MICAL2: variants seen among roughly 807,000 people sequenced by gnomAD.
MICAL2 encodes [F-actin]-monooxygenase MICAL2.
MICAL2 carries 77 observed loss-of-function variants against 127.3 expected under a neutral mutation model. That is an observed-to-expected ratio of 0.60 (90% CI 0.50 to 0.73). The LOEUF is 0.73. Ranked by LOEUF, MICAL2 falls within the 30% of genes least tolerant of loss-of-function variation. The pLI is 0.00. For missense variants in MICAL2, 1,351 were observed against 1,434.4 expected (o/e 0.94, Z 0.94); for synonymous variants, 570 against 551.1 (o/e 1.03, Z -0.48).
intron 30 of MICAL2, chr11:12,323,913 G>T: frequency 1.3e-6 from 2 of 1,539,862 alleles, no homozygotes; most frequent in Non-Finnish European, 1.8e-6. Context: ...AGCCTATAAC[G>T]ATATTTTGTA....
intron 8 of MICAL2, among the ~76,000 whole-genome samples, chr11:12,219,231 A>C (rs969180070): frequency 6.6e-6 from 1 of 152,098 alleles, no homozygotes; most frequent in Non-Finnish European, 1.5e-5. Flanking sequence ...GTGGTCTTTT[A>C]GTTTCTTTAG....
At chr11:12,349,738 C>G in intron 32 of MICAL2, 1 of 1,134,686 alleles carries the variant, frequency 8.8e-7, no homozygotes, top group Non-Finnish European at 1.3e-6. Context: ...CTGCAGAGCC[C>G]TTGTCACTAC....
chr11:12,300,560 G>A (rs1948470), intron 29 of MICAL2, among the ~76,000 whole-genome samples: 141,449 of 152,150 alleles, frequency 0.93, 65,799 homozygotes, highest in East Asian at 0.95. Flanking sequence ...TAAATTTGCT[G>A]TGGTGTGGGA....
At chr11:12,296,162 CAT>C (rs1166404116), downstream of MICAL2, among the ~76,000 whole-genome samples, 6 of 152,194 alleles carry the variant, frequency 3.9e-5, no homozygotes, top group East Asian at 9.7e-4. Context: ...TAAACATTCA[CAT>C]GAGTTCTTTT....
Position 12,141,168 on chromosome 11 carries a change from C to A in MICAL2, c.-78+2708C>A, listed in dbSNP as rs543222541. ...GGGATCCAGCTGGCCTTGTTAGACTCTTGAGGTCAACAGAATAGAGTAGAA... is the reference window on the plus strand; with the variant it reads ...GGGATCCAGCTGGCCTTGTTAGACTATTGAGGTCAACAGAATAGAGTAGAA... On this transcript the variant is annotated intron_variant, in intron 2 of 27. Coordinates refer to ENST00000683283, the MANE Select transcript of MICAL2 (RefSeq NM_001282663.2). Among the ~76,000 whole-genome samples the A allele has an allele frequency of 2.0e-5, 3 of 152,262 alleles. No homozygotes were observed. The South Asian group carries it at 6.2e-4, about 32-fold the overall frequency.
At position 12,161,972 on chromosome 11, in the gene MICAL2, T is replaced by A. The variant is rs569370909; in HGVS notation, c.-77-107T>A. The A allele has an allele frequency of 1.5e-4, 102 of 672,904 alleles. No individual in the cohort carries two copies. The African/African-American group carries it at 1.7e-3, about 11-fold the overall frequency. The allele number at this position is 672,904 out of a possible 1,614,324, so 41.7% of individuals were successfully genotyped here. On this transcript the variant is annotated intron_variant, in intron 2 of 27. Transcript: ENST00000683283. ...TAGTATTGAACACTAAATAGTGTGG[T>A]TAATATTTGAATGTCTTAAAGAAAT...
At chr11:12,112,351 C>T (rs1849673081) in intron 1 of MICAL2, among the ~76,000 whole-genome samples, 3 of 152,144 alleles carry the variant, frequency 2.0e-5, no homozygotes, top group South Asian at 4.2e-4. Flanking sequence ...CCCTTATCCT[C>T]CCCCTAGTCA....
chr11:12,321,451 T>C (rs1864294810), intron 30 of MICAL2, among the ~76,000 whole-genome samples: 2 of 152,086 alleles, frequency 1.3e-5, no homozygotes, highest in South Asian at 4.1e-4. Flanking sequence ...CTCTTCCCTT[T>C]GCTTCACCCT....
At chr11:12,154,048 C>T (rs1246074763) in intron 2 of MICAL2, among the ~76,000 whole-genome samples, 1 of 152,194 alleles carries the variant, frequency 6.6e-6, no homozygotes, top group Non-Finnish European at 1.5e-5. Flanking sequence ...GAGGCAATGC[C>T]TTTCCCATTC....
At chr11:12,296,132 T>C (rs990419942), downstream of MICAL2, among the ~76,000 whole-genome samples, 1 of 152,094 alleles carries the variant, frequency 6.6e-6, no homozygotes, top group African/African-American at 2.4e-5. Context: ...TTTAGTCTAT[T>C]CCCTTAGAGA....
intron 2 of MICAL2, among the ~76,000 whole-genome samples, chr11:12,147,926 G>A (rs1156908553): frequency 6.6e-6 from 1 of 152,210 alleles, no homozygotes; most frequent in African/African-American, 2.4e-5. Context: ...CTTCCTGGGC[G>A]AATCTGCCCG....
chr11:12,249,332 G>A lies in MICAL2; in HGVS notation c.2847+86G>A, dbSNP rs74957790. On this transcript the variant is annotated intron_variant, in intron 22 of 27. Coordinates refer to ENST00000683283, the MANE Select transcript of MICAL2 (RefSeq NM_001282663.2). ...ACCTGCAGGGCTCTGGGAGTTAAGCGCATATGATCAGCAGCAGTACAGTGC... is the reference window on the plus strand; with the variant it reads ...ACCTGCAGGGCTCTGGGAGTTAAGCACATATGATCAGCAGCAGTACAGTGC... 3.5e-3 allele frequency: 2,755 copies of A among 785,960 alleles called. 51 individuals are homozygous for A. In the African/African-American group the frequency reaches 0.04, roughly 11 times the overall value. The allele number at this position is 785,960 out of a possible 1,614,324, so 48.7% of individuals were successfully genotyped here.
chr11:12,337,901 G>T (rs1938794768), intron 32 of MICAL2, among the ~76,000 whole-genome samples: 1 of 152,124 alleles, frequency 6.6e-6, no homozygotes, highest in Non-Finnish European at 1.5e-5. Flanking sequence ...GAATAGGTGT[G>T]GTGTGGTGCT....
intron 32 of MICAL2, among the ~76,000 whole-genome samples, chr11:12,344,370 T>C (rs1938918056): frequency 1.3e-5 from 2 of 151,850 alleles, no homozygotes; most frequent in Admixed American, 1.3e-4. Context: ...TGAAAACTCA[T>C]GGAGAATTTT....
At chr11:12,289,630 G>A (rs370814828), downstream of MICAL2, among the ~76,000 whole-genome samples, 82 of 142,996 alleles carry the variant, frequency 5.7e-4, no homozygotes, top group African/African-American at 2.0e-3. Context: ...GTGCAGTGGC[G>A]TGATCTCAGC....
chr11:12,169,209 A>C (rs1855936990), intron 3 of MICAL2, among the ~76,000 whole-genome samples: 1 of 105,908 alleles, frequency 9.4e-6, no homozygotes, highest in Admixed American at 1.2e-4. Context: ...TTATTTTCTT[A>C]ATGGGAAAAA....
intron 19 of MICAL2, 35 bp downstream of exon 19, chr11:12,242,467 G>A (rs1048974635): frequency 6.4e-7 from 1 of 1,573,578 alleles, no homozygotes; most frequent in African/African-American, 1.4e-5. Context: ...CTCTGTCCGT[G>A]TCTGGGTGAC....
At chr11:12,290,297 G>A (rs1169524879), downstream of MICAL2, among the ~76,000 whole-genome samples, 2 of 152,170 alleles carry the variant, frequency 1.3e-5, no homozygotes, top group African/African-American at 2.4e-5. Flanking sequence ...AGGAGAAGAA[G>A]GGAGTGGCTT....
At chr11:12,164,536 TG>T (rs1855241528) in intron 3 of MICAL2, among the ~76,000 whole-genome samples, 1 of 152,214 alleles carries the variant, frequency 6.6e-6, no homozygotes, top group Admixed American at 6.5e-5. Context: ...GACCTTAACT[TG>T]GGTGCTTTGA....
Sources: allele counts gnomAD v4.1 joint callset (sites outside exome capture counted in the v4.1 genomes callset), GRCh38; gene constraint gnomAD v4.1.1; transcripts MANE v1.5; gene names NCBI Gene and HGNC (gene_info 2026-07-23, HGNC 2026-07-21).